SPATA18: variants seen among roughly 807,000 people sequenced by gnomAD.
SPATA18 encodes the protein spermatogenesis associated 18, also known as mitochondria-eating protein.
In SPATA18, 54 loss-of-function variants were observed where a neutral mutation model predicts 68.1. The observed-to-expected ratio is 0.79, with a 90% CI of 0.64 to 0.99. SPATA18 has a LOEUF of 0.99. Among genes scored for constraint, SPATA18 ranks in the 50% least tolerant of loss-of-function variants. SPATA18 has a pLI of 0.00. For missense variants in SPATA18, 724 were observed against 681.1 expected (o/e 1.06, Z -0.70); for synonymous variants, 242 against 244.8 (o/e 0.99, Z 0.11).
intron 10 of SPATA18, chr4:52,082,952 G>A (rs2109504444): frequency 1.0e-6 from 1 of 985,264 alleles, no homozygotes; most frequent in South Asian, 4.7e-5. Context: ...TTGGTATGAT[G>A]TGTATGGAGG....
intron 4 of SPATA18, among the ~76,000 whole-genome samples, chr4:52,068,055 T>C (rs1472177538): frequency 6.6e-6 from 1 of 152,256 alleles, no homozygotes; most frequent in African/African-American, 2.4e-5. Context: ...AGCATGTATG[T>C]TTGCTTATAT....
chr4:52,094,734 A>G (rs960629785), intron 12 of SPATA18, 146 bp from the exon 13 acceptor site: 7 of 1,265,012 alleles, frequency 5.5e-6, no homozygotes, highest in Non-Finnish European at 8.0e-6. Flanking sequence ...GTACCCAGGC[A>G]GGTCCCATGG....
intron 4 of SPATA18, among the ~76,000 whole-genome samples, chr4:52,067,120 G>C (rs980138873): frequency 6.6e-6 from 1 of 152,124 alleles, no homozygotes; most frequent in Non-Finnish European, 1.5e-5. Context: ...TCCACTAACA[G>C]TGTGAAAAAG....
rs150544801 is a variant in SPATA18 at position 52,082,874 on chromosome 4, G to A, written c.1479+364G>A. The A allele has an allele frequency of 5.7e-3, 5,575 of 985,314 alleles. 21 individuals carry two copies. The highest frequency in any genetic ancestry group is 0.025 in the Middle Eastern group (48 of 1,914). The allele number at this position is 985,314 out of a possible 1,614,324, so 61.0% of individuals were successfully genotyped here. A position where few individuals can be genotyped will look rare whatever the true frequency, so the allele number is the denominator to read the frequency against. ...TAAAATCAATTAACTCTCAGGAAAC[G>A]ATTTGCCAAATTTTTACTGACGATT... On this transcript the variant is annotated intron_variant, in intron 10 of 12. Transcript: ENST00000295213.
At chr4:52,062,817 T>C (rs1240051040) in intron 4 of SPATA18, among the ~76,000 whole-genome samples, 2 of 152,194 alleles carry the variant, frequency 1.3e-5, no homozygotes, top group Admixed American at 1.3e-4. Flanking sequence ...GGTGTATGTG[T>C]GCTTCTCTGA....
chr4:52,052,710 A>G (rs1560577057), intron 1 of SPATA18, among the ~76,000 whole-genome samples: 1 of 152,232 alleles, frequency 6.6e-6, no homozygotes, highest in Non-Finnish European at 1.5e-5. Flanking sequence ...TCTGTGAAAT[A>G]GCAGAGATTG....
intron 4 of SPATA18, among the ~76,000 whole-genome samples, chr4:52,066,128 T>C (rs1440464952): frequency 6.6e-6 from 1 of 152,100 alleles, no homozygotes; most frequent in Admixed American, 6.5e-5. Context: ...TATGTTTTAT[T>C]GTATCAAGTC....
chr4:52,070,124 T>C (rs927081678), intron 5 of SPATA18, among the ~76,000 whole-genome samples: 1 of 151,622 alleles, frequency 6.6e-6, no homozygotes, highest in Non-Finnish European at 1.5e-5. Flanking sequence ...TAAAGGCATA[T>C]AAAAACCCTT....
At chr4:52,075,857 G>A (rs185279076) in intron 6 of SPATA18, among the ~76,000 whole-genome samples, 37 of 152,282 alleles carry the variant, frequency 2.4e-4, no homozygotes, top group African/African-American at 8.4e-4. Context: ...TTGACCATAT[G>A]CGTGACCTTT....
intron 4 of SPATA18, among the ~76,000 whole-genome samples, chr4:52,064,656 T>C (rs780836749): frequency 3.3e-5 from 5 of 152,206 alleles, no homozygotes; most frequent in Non-Finnish European, 7.4e-5. Context: ...ATATACCACA[T>C]TTTCTTTATC....
chr4:52,089,985 T>C (rs1578203940), intron 11 of SPATA18, among the ~76,000 whole-genome samples: 1 of 152,338 alleles, frequency 6.6e-6, no homozygotes, highest in East Asian at 1.9e-4. Context: ...GGTGCATATA[T>C]ATTTAGGATG....
At chr4:52,051,841 C>G (rs1210296094) in intron 1 of SPATA18, 50 bp downstream of exon 1, 1 of 1,534,080 alleles carries the variant, frequency 6.5e-7, no homozygotes, top group Non-Finnish European at 9.0e-7. Flanking sequence ...TAGGTTCCAG[C>G]ACAGCCCTTG....
rs530555600 is a variant in SPATA18, at chr4:52,082,951, T to A, written c.1479+441T>A. Reference sequence around the variant, plus strand: ...CCCTGTTTTTCTCTCCTTGGTATGATGTGTATGGAGGGGAGGGATGGAGAC... The same window carrying A: ...CCCTGTTTTTCTCTCCTTGGTATGAAGTGTATGGAGGGGAGGGATGGAGAC... On this transcript the variant is annotated intron_variant, in intron 10 of 12. Transcript: ENST00000295213. The A allele has an allele frequency of 4.1e-6, 4 of 985,298 alleles. No homozygotes were observed. In the South Asian group the frequency reaches 1.4e-4, roughly 35 times the overall value. 61.0% of individuals were successfully genotyped at this position (985,298 alleles called of 1,614,324 possible).
chr4:52,092,874 C>G (rs1322445000), intron 11 of SPATA18, among the ~76,000 whole-genome samples: 1 of 152,178 alleles, frequency 6.6e-6, no homozygotes, highest in Non-Finnish European at 1.5e-5. Flanking sequence ...AGGTCATTAT[C>G]TTTAGCAAAC....
At position 52,094,925 on chromosome 4, in the gene SPATA18, A is replaced by G. The variant is rs769517100; in HGVS notation, c.*38A>G. On this transcript the variant is annotated 3_prime_UTR_variant, in exon 13 of 13. Transcript: ENST00000295213. The stretch of plus-strand genomic sequence containing the variant: ...TGCTCCTTTGACCCAGTGCGTGGAA[A>G]CAGCTGCTTTCTCCAGTGCCGCCAT... 3.1e-6 allele frequency: 5 copies of G among 1,613,832 alleles called. No homozygotes were observed. The South Asian group carries it at 5.5e-5, about 18-fold the overall frequency.
rs1740788267 is a variant in SPATA18, at chr4:52,080,055, AT to A, written c.1355+137del. 5.5e-6 allele frequency: 5 copies of A among 909,882 alleles called. No homozygotes were observed. In the African/African-American group the frequency reaches 8.4e-5, roughly 15 times the overall value. The allele number at this position is 909,882 out of a possible 1,614,324, so 56.4% of individuals were successfully genotyped here. Reference sequence around the variant, plus strand: ...CTACCTGATTTTCAGGCCCTACCATATACTTCTCTGTACTCCAGGGCAGGAC... The same window carrying A: ...CTACCTGATTTTCAGGCCCTACCATAACTTCTCTGTACTCCAGGGCAGGAC... On this transcript the variant is annotated intron_variant, in intron 9 of 12. Transcript: ENST00000295213.
chr4:52,061,850 C>T (rs1424613011), intron 3 of SPATA18, among the ~76,000 whole-genome samples: 1 of 152,028 alleles, frequency 6.6e-6, no homozygotes, highest in South Asian at 2.1e-4. Context: ...AGGTTTTTAT[C>T]CTCTGTGTGG....
At chr4:52,057,422 C>A (rs143326692) in intron 1 of SPATA18, among the ~76,000 whole-genome samples, 3 of 152,258 alleles carry the variant, frequency 2.0e-5, no homozygotes, top group African/African-American at 7.2e-5. Flanking sequence ...GAAGTTGCAG[C>A]ATGTTGTAAC....
chr4:52,093,697 T>TC (rs1742173626), intron 11 of SPATA18, among the ~76,000 whole-genome samples: 1 of 152,192 alleles, frequency 6.6e-6, no homozygotes, highest in South Asian at 2.1e-4. Flanking sequence ...AAATTGTAAC[T>TC]CCGGACTCCC....
Sources: gnomAD v4.1 joint callset for allele counts (sites outside exome capture counted in the v4.1 genomes callset) on GRCh38, gnomAD v4.1.1 for gene constraint, MANE v1.5 for transcripts, NCBI Gene and HGNC (gene_info 2026-07-23, HGNC 2026-07-21) for gene names.